Variants in CD247 observed in about 807,000 individuals in gnomAD.
CD247 encodes the protein T-cell surface glycoprotein CD3 zeta chain.
Under a neutral mutation model 30.0 loss-of-function variants are expected in CD247, and 13 were observed. That is an observed-to-expected ratio of 0.43 (90% CI 0.28 to 0.69). The LOEUF is 0.69. Among genes scored for constraint, CD247 ranks in the 30% least tolerant of loss-of-function variants. The pLI, the probability that CD247 is intolerant of heterozygous loss-of-function variation, is 0.16. For synonymous variants in CD247, 72 were observed against 80.0 expected (o/e 0.90, Z 0.53); for missense variants, 193 against 212.6 (o/e 0.91, Z 0.57).
intron 1 of CD247, among the ~76,000 whole-genome samples, chr1:167,481,904 G>A (rs1021992735): frequency 6.6e-6 from 1 of 152,230 alleles, no homozygotes; most frequent in African/African-American, 2.4e-5. Context: ...TGGGTGCTGA[G>A]TAGGACTCTA....
At chr1:167,434,374 G>T in intron 5 of CD247, 1 of 481,688 alleles carries the variant, frequency 2.1e-6, no homozygotes, top group Non-Finnish European at 3.8e-6. Context: ...ACAAAGACAC[G>T]GAGACTGGGC....
chr1:167,485,604 C>T lies in CD247; in HGVS notation c.58+32804G>A, dbSNP rs1442392919. 2.6e-5 allele frequency among the ~76,000 whole-genome samples: 4 copies of T among 152,100 alleles called. No individual in the cohort carries two copies. In the East Asian group the frequency reaches 7.7e-4, roughly 29 times the overall value. ...AGATTAGGGAGCTGCCTTACTCCTC[C>T]TTTTGTCAGCATGCTGGCTGGCGTG... is the stretch of plus-strand genomic sequence containing the variant. On this transcript the variant is annotated intron_variant, in intron 1 of 7. Coordinates refer to ENST00000362089, the MANE Select transcript of CD247 (RefSeq NM_198053.3).
chr1:167,451,846 C>T (rs552665449), intron 1 of CD247, among the ~76,000 whole-genome samples: 1 of 152,312 alleles, frequency 6.6e-6, no homozygotes, highest in African/African-American at 2.4e-5. Context: ...GTGGCTCACG[C>T]CTGTAATCCC....
chr1:167,436,273 CT>C (rs771518925), intron 4 of CD247, among the ~76,000 whole-genome samples: 123 of 152,264 alleles, frequency 8.1e-4, no homozygotes, highest in Admixed American at 3.6e-3. Context: ...TCCTTTCATG[CT>C]AAAAACTCTC....
intron 1 of CD247, among the ~76,000 whole-genome samples, chr1:167,452,060 C>T (rs375664536): frequency 9.9e-5 from 15 of 152,050 alleles, no homozygotes; most frequent in Admixed American, 2.6e-4. Context: ...CCGTCTCTAC[C>T]GAAAATACAG....
At chr1:167,487,395 C>G (rs575092817) in intron 1 of CD247, among the ~76,000 whole-genome samples, 1 of 152,034 alleles carries the variant, frequency 6.6e-6, no homozygotes, top group Non-Finnish European at 1.5e-5. Context: ...AAAGAAAAAA[C>G]GAAGAAAGAA....
intron 1 of CD247, among the ~76,000 whole-genome samples, chr1:167,463,522 G>C (rs975016149): frequency 6.6e-6 from 1 of 152,208 alleles, no homozygotes; most frequent in Non-Finnish European, 1.5e-5. Context: ...TGGTTTCATG[G>C]AGTTAGTCTG....
At chr1:167,461,645 C>T (rs989919149) in intron 1 of CD247, among the ~76,000 whole-genome samples, 3 of 152,080 alleles carry the variant, frequency 2.0e-5, no homozygotes, top group South Asian at 4.1e-4. Context: ...ATCAGGAGTT[C>T]GAGACCACCC....
intron 5 of CD247, 122 bp downstream of exon 5, chr1:167,435,277 C>G (rs55696551): frequency 0.012 from 6,533 of 531,070 alleles, 39 homozygotes; most frequent in Middle Eastern, 0.015. Context: ...CCTCCTCCAG[C>G]CCTTCCTCCA....
chr1:167,440,853 G>A (rs1651792006), intron 1 of CD247, 86 bp from the exon 2 acceptor site: 1 of 803,236 alleles, frequency 1.2e-6, no homozygotes, highest in Non-Finnish European at 2.1e-6. Context: ...AGGACTGACT[G>A]ACCAAATAAA....
intron 1 of CD247, among the ~76,000 whole-genome samples, chr1:167,484,740 G>A (rs183919197): frequency 2.6e-5 from 4 of 152,196 alleles, no homozygotes; most frequent in Non-Finnish European, 2.9e-5. Context: ...TCGCGCCACC[G>A]CAGTCCAGCC....
At chr1:167,514,323 G>A (rs1048510091) in intron 1 of CD247, among the ~76,000 whole-genome samples, 1 of 152,034 alleles carries the variant, frequency 6.6e-6, no homozygotes, top group African/African-American at 2.4e-5. Context: ...TTTTTTAGTG[G>A]AGATGGGGTT....
chr1:167,470,671 A>G (rs1242659799), intron 1 of CD247, among the ~76,000 whole-genome samples: 1 of 151,688 alleles, frequency 6.6e-6, no homozygotes, highest in Non-Finnish European at 1.5e-5. Flanking sequence ...AATTAGGATC[A>G]TATGTTAGGG....
intron 1 of CD247, among the ~76,000 whole-genome samples, chr1:167,459,181 C>G (rs914556289): frequency 2.0e-5 from 3 of 150,746 alleles, no homozygotes; most frequent in Non-Finnish European, 3.0e-5. Context: ...TATTGTTAAA[C>G]AGAATATTAG....
chr1:167,458,697 T>TTTC (rs1652839700), intron 1 of CD247: 1 of 43,268 alleles, frequency 2.3e-5, no homozygotes, highest in Non-Finnish European at 6.2e-5. Context: ...TTCTTTTTTT[T>TTTC]TTTTTTTTTT....
At chr1:167,497,057 A>C (rs1240996805) in intron 1 of CD247, among the ~76,000 whole-genome samples, 2 of 152,230 alleles carry the variant, frequency 1.3e-5, no homozygotes, top group Non-Finnish European at 2.9e-5. Flanking sequence ...CACTATTCAT[A>C]ATGCGTCCAA....
intron 1 of CD247, among the ~76,000 whole-genome samples, chr1:167,454,871 G>T (rs775617605): frequency 1.3e-5 from 2 of 152,234 alleles, no homozygotes; most frequent in African/African-American, 4.8e-5. Context: ...CTCGCTCGCT[G>T]GTCGCCCTCG....
At chr1:167,482,675 T>C (rs932695268) in intron 1 of CD247, among the ~76,000 whole-genome samples, 1 of 152,176 alleles carries the variant, frequency 6.6e-6, no homozygotes, top group Non-Finnish European at 1.5e-5. Flanking sequence ...TCCAGCACCA[T>C]GGAGGACCAT....
intron 1 of CD247, among the ~76,000 whole-genome samples, chr1:167,444,222 G>T (rs1651968299): frequency 6.6e-6 from 1 of 152,180 alleles, no homozygotes; most frequent in Non-Finnish European, 1.5e-5. Context: ...CCCTCATGGG[G>T]CTTAAGTCTT....
Sources: gnomAD v4.1 joint callset for allele counts (sites outside exome capture counted in the v4.1 genomes callset) on GRCh38, gnomAD v4.1.1 for gene constraint, MANE v1.5 for transcripts, NCBI Gene and HGNC (gene_info 2026-07-23, HGNC 2026-07-21) for gene names.